TBL1X: variants seen among roughly 807,000 people sequenced by gnomAD.
The protein encoded by TBL1X is transducin beta like 1 X-linked.
Under a neutral mutation model 50.7 loss-of-function variants are expected in TBL1X, and 10 were observed. That is an observed-to-expected ratio of 0.20 (90% CI 0.12 to 0.33). TBL1X has a LOEUF of 0.33. Among genes scored for constraint, TBL1X ranks in the 10% least tolerant of loss-of-function variants. The probability of loss-of-function intolerance (pLI) is 1.00; values close to 1 mark genes in which losing one functional copy is unlikely to be tolerated. For missense variants in TBL1X, 340 were observed against 504.4 expected, an observed-to-expected ratio of 0.67 and a Z score of 3.12; for synonymous variants, 190 against 214.7, an observed-to-expected ratio of 0.88 and a Z score of 1.01.
chrX:9,551,359 G>T (rs1339654913), intron 2 of TBL1X, among the ~76,000 whole-genome samples: 1 of 110,666 alleles, frequency 9.0e-6, no homozygotes, highest in Non-Finnish European at 1.9e-5. Context: ...TTCTAGGTGA[G>T]GCGGCGAACA....
intron 2 of TBL1X, among the ~76,000 whole-genome samples, chrX:9,578,082 G>A (rs1478849798): frequency 2.7e-5 from 3 of 111,679 alleles, no homozygotes; most frequent in East Asian, 5.6e-4. Context: ...GGTTCCACTC[G>A]TGGGAGATCG....
At chrX:9,491,667 C>T (rs189689647) in intron 1 of TBL1X, among the ~76,000 whole-genome samples, 41 of 110,429 alleles carry the variant, frequency 3.7e-4, no homozygotes, top group African/African-American at 1.4e-3. Context: ...TATCCGTGGA[C>T]CAGCCTTTTA....
intron 2 of TBL1X, among the ~76,000 whole-genome samples, chrX:9,506,994 G>C (rs1244031996): frequency 8.9e-6 from 1 of 111,867 alleles, no homozygotes; most frequent in Admixed American, 9.5e-5. Flanking sequence ...ATACTAAATG[G>C]GCAAAAGCTG....
chrX:9,624,020 A>G (rs983591065), intron 2 of TBL1X, among the ~76,000 whole-genome samples: 15 of 112,345 alleles, frequency 1.3e-4, no homozygotes, highest in Non-Finnish European at 2.3e-4. Flanking sequence ...GTGGCTTCCT[A>G]TCATGCCTTT....
intron 4 of TBL1X, 76 bp from the exon 5 acceptor site, chrX:9,654,139 T>A (rs2082852014): frequency 1.1e-6 from 1 of 876,296 alleles, no homozygotes; most frequent in Non-Finnish European, 1.6e-6. Context: ...TGGATATTAT[T>A]TTCTTTAGTC....
intron 11 of TBL1X, among the ~76,000 whole-genome samples, 199 bp from the exon 12 acceptor site, chrX:9,697,170 G>A (rs1408174023): frequency 8.9e-6 from 1 of 112,349 alleles, no homozygotes; most frequent in East Asian, 2.8e-4. Context: ...ATAATAGATT[G>A]CTAATGAATT....
intron 2 of TBL1X, among the ~76,000 whole-genome samples, chrX:9,532,984 C>T (rs1190709049): frequency 2.7e-5 from 3 of 111,084 alleles, no homozygotes; most frequent in East Asian, 2.8e-4. Flanking sequence ...GGGCTGGGGA[C>T]GGGCAGTGTG....
At chrX:9,691,982 A>G (rs1788559101) in intron 8 of TBL1X, 131 bp from the exon 9 acceptor site, 2 of 1,039,098 alleles carry the variant, frequency 1.9e-6, no homozygotes, top group Non-Finnish European at 2.6e-6. Context: ...AGAGGGAAAC[A>G]GGGATCCAGA....
chrX:9,708,719 A>G (rs2083225672), intron 13 of TBL1X, among the ~76,000 whole-genome samples: 1 of 107,160 alleles, frequency 9.3e-6, no homozygotes, highest in Non-Finnish European at 1.9e-5. Flanking sequence ...AAAAAAAAAA[A>G]AAAAAGGGCA....
chrX:9,638,910 C>T (rs1319744175), intron 2 of TBL1X, among the ~76,000 whole-genome samples: 1 of 111,462 alleles, frequency 9.0e-6, no homozygotes, highest in Non-Finnish European at 1.9e-5. Flanking sequence ...TTCATCCCCA[C>T]TGCAGATTTT....
intron 5 of TBL1X, among the ~76,000 whole-genome samples, chrX:9,659,075 C>CT (rs397710765): frequency 5.4e-5 from 6 of 111,804 alleles, no homozygotes; most frequent in Admixed American, 9.5e-5. Context: ...TCCTCCCCCC[C>CT]GGCCTCATAA....
Position 9,621,854 on chromosome X carries a change from C to T in TBL1X, c.-130-18419C>T, listed in dbSNP as rs186131358. 2.0e-4 allele frequency among the ~76,000 whole-genome samples: 22 copies of T among 111,748 alleles called. No individual in the cohort carries two copies. The East Asian group carries it at 5.0e-3, about 26-fold the overall frequency. ...CTGGCCTGAGAATTTCTAAGTTTGA[C>T]GAACATTCAGATGTTCCAGAAACTA... On this transcript the variant is annotated intron_variant, in intron 2 of 17. Transcript: ENST00000645353.
intron 5 of TBL1X, among the ~76,000 whole-genome samples, chrX:9,678,133 G>A (rs1194744568): frequency 4.5e-5 from 5 of 111,828 alleles, no homozygotes; most frequent in Admixed American, 1.9e-4. Flanking sequence ...TTTTTTATTC[G>A]TATTATTATC....
chrX:9,651,011 CTTTTTTTTTTTTTTTTTTTT>C (rs572743375), intron 3 of TBL1X, among the ~76,000 whole-genome samples: 21 of 30,913 alleles, frequency 6.8e-4, no homozygotes, highest in African/African-American at 2.3e-3. Flanking sequence ...AGCTGCCAGC[CTTTTTTTTTTTTTTTTTTTT>C]TTTTTTTTTT....
chrX:9,504,156 G>A (rs747902453), intron 2 of TBL1X, among the ~76,000 whole-genome samples: 1 of 111,412 alleles, frequency 9.0e-6, no homozygotes, highest in South Asian at 3.8e-4. Flanking sequence ...AGATGAATAA[G>A]GCCTGAAGGT....
intron 2 of TBL1X, among the ~76,000 whole-genome samples, chrX:9,631,110 C>A (rs765181303): frequency 9.0e-6 from 1 of 111,424 alleles, no homozygotes; most frequent in Non-Finnish European, 1.9e-5. Context: ...CAATCTCGGC[C>A]TCTTATTTAT....
rs188974490 is a variant in TBL1X, at chrX:9,499,507, C to T, written c.-200-2273C>T. Among the ~76,000 whole-genome samples, 368 of 111,490 alleles carry T rather than the reference C, an allele frequency of 3.3e-3. 2 individuals carry two copies. The highest frequency in any genetic ancestry group is 6.4e-3 in the Admixed American group (67 of 10,518). Reference sequence around the variant, plus strand: ...TAAAAAACGCTGATGTTTGTGAGGCCGAGAGAGGAACAGAACTATTACTGC... The same window carrying T: ...TAAAAAACGCTGATGTTTGTGAGGCTGAGAGAGGAACAGAACTATTACTGC... On this transcript the variant is annotated intron_variant, in intron 1 of 17. Coordinates refer to ENST00000645353, the MANE Select transcript of TBL1X (RefSeq NM_005647.4).
chrX:9,472,447 T>G (rs1279157647), intron 1 of TBL1X, among the ~76,000 whole-genome samples: 1 of 104,906 alleles, frequency 9.5e-6, no homozygotes, highest in East Asian at 2.9e-4. Context: ...TTCTTTTTTT[T>G]TTTTTTTTTA....
intron 2 of TBL1X, among the ~76,000 whole-genome samples, chrX:9,521,662 C>G (rs771108002): frequency 8.9e-6 from 1 of 112,074 alleles, no homozygotes; most frequent in African/African-American, 3.2e-5. Flanking sequence ...CCCTCTGTGT[C>G]TATGGGTTTT....
Sources: allele counts gnomAD v4.1 joint callset (sites outside exome capture counted in the v4.1 genomes callset), GRCh38; gene constraint gnomAD v4.1.1; transcripts MANE v1.5; gene names NCBI Gene and HGNC (gene_info 2026-07-23, HGNC 2026-07-21).